Variants in SH3RF3 observed in about 807,000 individuals in gnomAD.
SH3RF3 encodes E3 ubiquitin-protein ligase SH3RF3.
In SH3RF3, 29 loss-of-function variants were observed where a neutral mutation model predicts 66.3. That is an observed-to-expected ratio of 0.44 (90% CI 0.33 to 0.60). The LOEUF (loss-of-function observed/expected upper bound fraction) is 0.60. Ranked by LOEUF, SH3RF3 falls within the 20% of genes least tolerant of loss-of-function variation. SH3RF3 has a pLI of 0.04. For missense variants in SH3RF3, 1,194 were observed against 1,190.9 expected (o/e 1.00, Z -0.04); for synonymous variants, 583 against 532.0 (o/e 1.10, Z -1.32).
chr2:109,294,717 G>A (rs576059195), intron 1 of SH3RF3, among the ~76,000 whole-genome samples: 1 of 152,304 alleles, frequency 6.6e-6, no homozygotes, highest in East Asian at 1.9e-4. Context: ...GACAGACACA[G>A]CCCTACAGGG....
At chr2:109,170,800 A>G (rs1237214479) in intron 1 of SH3RF3, among the ~76,000 whole-genome samples, 4 of 152,216 alleles carry the variant, frequency 2.6e-5, no homozygotes, top group African/African-American at 4.8e-5. Context: ...GGAAGCTGAC[A>G]TCCAGGTGCA....
At chr2:109,368,337 G>C (rs937619217) in intron 2 of SH3RF3, among the ~76,000 whole-genome samples, 1 of 152,066 alleles carries the variant, frequency 6.6e-6, no homozygotes. Flanking sequence ...ACATTCCCCA[G>C]TTCAAGATTA....
chr2:109,268,109 G>A (rs1680540609), intron 1 of SH3RF3, among the ~76,000 whole-genome samples: 1 of 151,904 alleles, frequency 6.6e-6, no homozygotes, highest in Admixed American at 6.5e-5. Flanking sequence ...TGGGGAGGAA[G>A]GGGCTGGGTG....
intron 1 of SH3RF3, among the ~76,000 whole-genome samples, chr2:109,169,694 A>G (rs183724550): frequency 9.2e-5 from 14 of 152,052 alleles, no homozygotes; most frequent in Admixed American, 7.2e-4. Flanking sequence ...GTTTGGCTAT[A>G]TCTCTCTCTC....
chr2:109,201,704 C>T (rs1380501450), intron 1 of SH3RF3, among the ~76,000 whole-genome samples: 4 of 152,186 alleles, frequency 2.6e-5, no homozygotes, highest in East Asian at 1.9e-4. Flanking sequence ...GGAAACGCTG[C>T]GCCTTGCATG....
intron 1 of SH3RF3, among the ~76,000 whole-genome samples, chr2:109,263,097 C>T (rs772916899): frequency 1.4e-4 from 22 of 152,144 alleles, no homozygotes; most frequent in South Asian, 4.1e-4. Flanking sequence ...TCACCCACCT[C>T]GGCCTCCCAA....
chr2:109,312,231 C>A (rs2105430453), intron 1 of SH3RF3, among the ~76,000 whole-genome samples: 1 of 152,248 alleles, frequency 6.6e-6, no homozygotes, highest in South Asian at 2.1e-4. Context: ...CACACAAGGC[C>A]AGAGGGACAA....
chr2:109,160,939 G>C (rs1341855368), intron 1 of SH3RF3, among the ~76,000 whole-genome samples: 3 of 152,188 alleles, frequency 2.0e-5, no homozygotes, highest in African/African-American at 4.8e-5. Flanking sequence ...CCTCAACCAG[G>C]GGTGTGGCTG....
At chr2:109,447,389 C>T (rs886174066) in intron 7 of SH3RF3, among the ~76,000 whole-genome samples, 15 of 152,096 alleles carry the variant, frequency 9.9e-5, no homozygotes, top group African/African-American at 3.6e-4. Flanking sequence ...GGCCTCCAAA[C>T]GCTGTTAGGA....
intron 1 of SH3RF3, among the ~76,000 whole-genome samples, chr2:109,260,124 T>C (rs904571390): frequency 1.3e-4 from 20 of 152,228 alleles, no homozygotes; most frequent in African/African-American, 4.6e-4. Flanking sequence ...TTTCATTTTC[T>C]AAATTCTCAG....
intron 6 of SH3RF3, among the ~76,000 whole-genome samples, chr2:109,433,181 A>G (rs1559081297): frequency 6.6e-6 from 1 of 152,184 alleles, no homozygotes. Context: ...GCATGTGTGT[A>G]TGCAGTGTGT....
intron 2 of SH3RF3, among the ~76,000 whole-genome samples, chr2:109,363,576 A>G (rs1478411207): frequency 6.6e-6 from 1 of 152,170 alleles, no homozygotes; most frequent in Non-Finnish European, 1.5e-5. Context: ...CTTTCTGTAG[A>G]TCTGAATTTC....
chr2:109,345,374 A>G (rs543367153), intron 1 of SH3RF3, among the ~76,000 whole-genome samples: 1 of 152,234 alleles, frequency 6.6e-6, no homozygotes, highest in African/African-American at 2.4e-5. Flanking sequence ...CCGGCCGCAG[A>G]AGGGAGTGCA....
intron 1 of SH3RF3, among the ~76,000 whole-genome samples, chr2:109,189,587 T>G (rs2105016695): frequency 6.6e-6 from 1 of 152,238 alleles, no homozygotes; most frequent in Non-Finnish European, 1.5e-5. Context: ...AAGGCTGGTT[T>G]TGAACTCCTG....
intron 7 of SH3RF3, among the ~76,000 whole-genome samples, chr2:109,446,811 G>T (rs11688086): frequency 4.1e-4 from 63 of 151,982 alleles, no homozygotes; most frequent in Middle Eastern, 6.8e-3. Flanking sequence ...TGCGGCAGGC[G>T]AGGGGAAGCC....
At chr2:109,379,881 G>A (rs1433592473) in intron 3 of SH3RF3, among the ~76,000 whole-genome samples, 1 of 152,202 alleles carries the variant, frequency 6.6e-6, no homozygotes, top group African/African-American at 2.4e-5. Context: ...GGAGTGTGAT[G>A]TTGTGTCTAT....
At chr2:109,400,194 A>T (rs1676267630) in intron 4 of SH3RF3, among the ~76,000 whole-genome samples, 1 of 152,204 alleles carries the variant, frequency 6.6e-6, no homozygotes, top group Admixed American at 6.5e-5. Context: ...TCAGCCTAGA[A>T]ATGCCCCCTA....
chr2:109,469,831 C>T (rs530102836), intron 8 of SH3RF3, among the ~76,000 whole-genome samples: 53 of 152,266 alleles, frequency 3.5e-4, no homozygotes, highest in African/African-American at 1.1e-3. Flanking sequence ...TTTTTCCAGC[C>T]GTTGGTTATG....
intron 5 of SH3RF3, among the ~76,000 whole-genome samples, chr2:109,423,978 G>A (rs116728429): frequency 0.015 from 2,295 of 152,324 alleles, 61 homozygotes; most frequent in African/African-American, 0.053. Flanking sequence ...AGACCCTGGC[G>A]GGCAAAGGTC....
Sources: gnomAD v4.1 joint callset for allele counts (sites outside exome capture counted in the v4.1 genomes callset) on GRCh38, gnomAD v4.1.1 for gene constraint, MANE v1.5 for transcripts, NCBI Gene and HGNC (gene_info 2026-07-23, HGNC 2026-07-21) for gene names.